MGAT4C: variants seen among roughly 807,000 people sequenced by gnomAD.
MGAT4C encodes the protein alpha-1,3-mannosyl-glycoprotein 4-beta-N-acetylglucosaminyltransferase C.
In MGAT4C, 19 loss-of-function variants were observed where a neutral mutation model predicts 40.1. The observed-to-expected ratio is 0.47, with a 90% CI of 0.33 to 0.70. MGAT4C has a LOEUF of 0.70. Among genes scored for constraint, MGAT4C ranks in the 30% least tolerant of loss-of-function variants. The pLI is 0.02. For missense variants in MGAT4C, 491 were observed against 563.2 expected (o/e 0.87, Z 1.30); for synonymous variants, 181 against 187.1 (o/e 0.97, Z 0.27).
chr12:86,793,027 C>A (rs116476777), intron 1 of MGAT4C, among the ~76,000 whole-genome samples: 100 of 152,294 alleles, frequency 6.6e-4, no homozygotes, highest in African/African-American at 2.3e-3. Context: ...CTATTCTATT[C>A]CTCAAATAGT....
intron 2 of MGAT4C, among the ~76,000 whole-genome samples, chr12:85,991,015 T>C (rs540222023): frequency 1.3e-5 from 2 of 152,340 alleles, no homozygotes; most frequent in Admixed American, 1.3e-4. Flanking sequence ...AGAGTCCTTG[T>C]CCTGCATCGA....
chr12:86,164,608 G>A (rs1885984495), intron 1 of MGAT4C, among the ~76,000 whole-genome samples: 1 of 152,134 alleles, frequency 6.6e-6, no homozygotes, highest in African/African-American at 2.4e-5. Flanking sequence ...ACATGTTAGG[G>A]ATGGTTTCTC....
At chr12:86,354,477 T>C (rs1231385474) in intron 3 of MGAT4C, among the ~76,000 whole-genome samples, 1 of 152,202 alleles carries the variant, frequency 6.6e-6, no homozygotes, top group East Asian at 1.9e-4. Flanking sequence ...TATAAATGCG[T>C]CTCGATGAAG....
intron 1 of MGAT4C, among the ~76,000 whole-genome samples, chr12:86,177,687 T>C (rs1887613275): frequency 6.6e-6 from 1 of 152,024 alleles, no homozygotes; most frequent in African/African-American, 2.4e-5. Context: ...ATAATTACTA[T>C]GCTGAAAAGG....
At chr12:86,548,239 C>T (rs2136393068) in intron 2 of MGAT4C, among the ~76,000 whole-genome samples, 1 of 151,820 alleles carries the variant, frequency 6.6e-6, no homozygotes, top group Admixed American at 6.6e-5. Flanking sequence ...AAGATATTTC[C>T]TTGTGTTAAA....
At chr12:86,215,657 C>A (rs114751177) in intron 1 of MGAT4C, among the ~76,000 whole-genome samples, 1 of 152,106 alleles carries the variant, frequency 6.6e-6, no homozygotes. Flanking sequence ...CTGTGGGGAG[C>A]TCTCTGAACT....
intron 2 of MGAT4C, among the ~76,000 whole-genome samples, chr12:86,521,537 T>G (rs1958794821): frequency 6.6e-6 from 1 of 152,224 alleles, no homozygotes; most frequent in African/African-American, 2.4e-5. Context: ...TGCTTAGGAT[T>G]GCCTTGGCTA....
At chr12:86,615,308 G>A (rs1259423646) in intron 2 of MGAT4C, among the ~76,000 whole-genome samples, 1 of 151,986 alleles carries the variant, frequency 6.6e-6, no homozygotes, top group African/African-American at 2.4e-5. Context: ...ATATTTGACT[G>A]AAAAAATATT....
At chr12:86,521,417 C>T (rs2136359669) in intron 2 of MGAT4C, among the ~76,000 whole-genome samples, 1 of 152,126 alleles carries the variant, frequency 6.6e-6, no homozygotes, top group East Asian at 1.9e-4. Context: ...CTATTCTGTT[C>T]CATTGGTCTA....
At chr12:86,587,775 T>C (rs982000153) in intron 2 of MGAT4C, among the ~76,000 whole-genome samples, 25 of 151,286 alleles carry the variant, frequency 1.7e-4, no homozygotes, top group African/African-American at 6.1e-4. Context: ...ATAAGAATGC[T>C]TGTGGTTTTT....
At chr12:86,612,696 T>G (rs1393656445) in intron 2 of MGAT4C, among the ~76,000 whole-genome samples, 1 of 138,978 alleles carries the variant, frequency 7.2e-6, no homozygotes, top group East Asian at 2.1e-4. Flanking sequence ...GAGGAGATCA[T>G]GCCACTGCAC....
chr12:86,254,346 C>T (rs1033451571), intron 1 of MGAT4C, among the ~76,000 whole-genome samples: 1 of 152,066 alleles, frequency 6.6e-6, no homozygotes, highest in African/African-American at 2.4e-5. Context: ...ACACTGCAGT[C>T]ACCATCAATG....
chr12:86,062,407 A>T (rs1048484996), intron 1 of MGAT4C, among the ~76,000 whole-genome samples: 1 of 152,136 alleles, frequency 6.6e-6, no homozygotes, highest in African/African-American at 2.4e-5. Context: ...AGATCAATCT[A>T]TGAAGATTAG....
intron 2 of MGAT4C, among the ~76,000 whole-genome samples, chr12:86,548,267 A>G (rs1959211887): frequency 1.3e-5 from 2 of 152,068 alleles, no homozygotes; most frequent in Admixed American, 1.3e-4. Flanking sequence ...CCACACTGGG[A>G]GGGCATTTTT....
intron 1 of MGAT4C, among the ~76,000 whole-genome samples, chr12:86,089,933 ATTAT>A (rs1872596797): frequency 6.6e-6 from 1 of 151,684 alleles, no homozygotes; most frequent in African/African-American, 2.4e-5. Flanking sequence ...CTATAAACAT[ATTAT>A]TTATTTATTT....
At chr12:86,396,193 A>G (rs1423923116) in intron 3 of MGAT4C, among the ~76,000 whole-genome samples, 3 of 152,190 alleles carry the variant, frequency 2.0e-5, no homozygotes, top group Non-Finnish European at 2.9e-5. Flanking sequence ...CATTTGGAGC[A>G]TATTTTAAAA....
intron 1 of MGAT4C, among the ~76,000 whole-genome samples, chr12:86,226,998 C>T (rs917110810): frequency 6.6e-6 from 1 of 151,870 alleles, no homozygotes; most frequent in African/African-American, 2.4e-5. Context: ...ACTCTTTAAA[C>T]TCCTTTCAGT....
At chr12:86,377,713 T>G (rs1038791497) in intron 3 of MGAT4C, among the ~76,000 whole-genome samples, 1 of 152,210 alleles carries the variant, frequency 6.6e-6, no homozygotes, top group Non-Finnish European at 1.5e-5. Flanking sequence ...AACATAAAAT[T>G]TGCCATCTTA....
At chr12:86,385,556 T>A (rs1446101924) in intron 3 of MGAT4C, among the ~76,000 whole-genome samples, 1 of 152,236 alleles carries the variant, frequency 6.6e-6, no homozygotes, top group Non-Finnish European at 1.5e-5. Context: ...TCGAATGGCC[T>A]ATGCATAGCA....
Sources: allele counts gnomAD v4.1 joint callset (sites outside exome capture counted in the v4.1 genomes callset), GRCh38; gene constraint gnomAD v4.1.1; transcripts MANE v1.5; gene names NCBI Gene and HGNC (gene_info 2026-07-23, HGNC 2026-07-21).